ITGA9: variants seen among roughly 807,000 people sequenced by gnomAD.
The protein encoded by ITGA9 is integrin alpha-9.
ITGA9 carries 56 observed loss-of-function variants against 127.8 expected under a neutral mutation model. The ratio of observed to expected loss-of-function variants is 0.44; its 90% CI spans 0.35 to 0.55. The LOEUF (loss-of-function observed/expected upper bound fraction) is 0.55, where lower values mean the gene tolerates loss of function less well. ITGA9 is among the 20% of genes least tolerant of loss of function. The pLI is 0.00. For synonymous variants in ITGA9, 508 were observed against 514.5 expected, an observed-to-expected ratio of 0.99 and a Z score of 0.17; for missense variants, 1,196 against 1,347.1, an observed-to-expected ratio of 0.89 and a Z score of 1.76.
intron 16 of ITGA9, among the ~76,000 whole-genome samples, chr3:37,649,330 T>C (rs1700408578): frequency 6.6e-6 from 1 of 152,128 alleles, no homozygotes; most frequent in African/African-American, 2.4e-5. Flanking sequence ...TCAAACTGTA[T>C]GCTGTCTACA....
intron 19 of ITGA9, among the ~76,000 whole-genome samples, chr3:37,735,480 T>C (rs1696348767): frequency 6.6e-6 from 1 of 152,244 alleles, no homozygotes; most frequent in African/African-American, 2.4e-5. Context: ...GTGTTGCAAA[T>C]ATTAGACCAT....
At chr3:37,817,762 G>A (rs1445153018) in intron 27 of ITGA9, among the ~76,000 whole-genome samples, 2 of 152,206 alleles carry the variant, frequency 1.3e-5, no homozygotes, top group Non-Finnish European at 2.9e-5. Flanking sequence ...GTTTGGTGGT[G>A]ATGACTATGT....
intron 17 of ITGA9, among the ~76,000 whole-genome samples, chr3:37,660,004 G>A (rs199605529): frequency 0.02 from 1,922 of 98,530 alleles, 26 homozygotes; most frequent in African/African-American, 0.053. Flanking sequence ...ACACACACAC[G>A]CACACACACA....
At chr3:37,640,777 C>T (rs560443892) in intron 16 of ITGA9, among the ~76,000 whole-genome samples, 2 of 152,338 alleles carry the variant, frequency 1.3e-5, no homozygotes, top group African/African-American at 4.8e-5. Flanking sequence ...AGATCAGGGC[C>T]CTGGCCCAGA....
intron 15 of ITGA9, among the ~76,000 whole-genome samples, chr3:37,605,134 AG>A: frequency 6.6e-6 from 1 of 152,310 alleles, no homozygotes; most frequent in Non-Finnish European, 1.5e-5. Flanking sequence ...AGTGTTGGTC[AG>A]GGAAGCATTG....
At chr3:37,563,515 C>CT (rs1699515732) in intron 15 of ITGA9, among the ~76,000 whole-genome samples, 1 of 152,192 alleles carries the variant, frequency 6.6e-6, no homozygotes, top group African/African-American at 2.4e-5. Flanking sequence ...ATAATCCCAC[C>CT]TCCCCATTCT....
rs369260176 is a variant in ITGA9 at position 37,517,437 on chromosome 3, G to T, written c.1036-67G>T. ...AGCATTCAAACTCTGGTTTTTTATT[G>T]ATTTTTATTGTTTGTTCTGTTTGTT... On this transcript the variant is annotated intron_variant, in intron 9 of 27. Coordinates refer to ENST00000264741, the MANE Select transcript of ITGA9 (RefSeq NM_002207.3). 1.4e-5 allele frequency: 18 copies of T among 1,250,526 alleles called. No individual in the cohort carries two copies. The East Asian group carries it at 2.8e-4, about 19-fold the overall frequency. The allele number at this position is 1,250,526 out of a possible 1,614,324, so 77.5% of individuals were successfully genotyped here.
intron 18 of ITGA9, among the ~76,000 whole-genome samples, chr3:37,700,240 T>C (rs987485360): frequency 6.6e-6 from 1 of 152,190 alleles, no homozygotes; most frequent in Non-Finnish European, 1.5e-5. Flanking sequence ...CTCCTTGGCC[T>C]CCCAAAGTGC....
Position 37,523,606 on chromosome 3 carries a change from A to G in ITGA9, c.1322A>G (p.Tyr441Cys). The G allele has an allele frequency of 4.3e-6, 7 of 1,609,752 alleles. No individual in the cohort carries two copies. The highest frequency in any genetic ancestry group is 5.1e-6 in the Non-Finnish European group (6 of 1,176,044). Residue 441 changes from tyrosine (Y) to cysteine (C), a missense_variant, in exon 12 of 28, where the codon TAT (tyrosine) becomes TGT (cysteine). Coordinates refer to ENST00000264741, the MANE Select transcript of ITGA9 (RefSeq NM_002207.3). Reference protein sequence around the residue: ...SGGIDMDGNGYPDVTVGAFMS... With the variant: ...SGGIDMDGNGCPDVTVGAFMS... ...GGCATTGATATGGATGGAAATGGCT[A>G]TCCTGGTAAGCTGTTTTTCTTTAAA...
At chr3:37,698,756 G>A (rs1375226037) in intron 18 of ITGA9, among the ~76,000 whole-genome samples, 1 of 152,126 alleles carries the variant, frequency 6.6e-6, no homozygotes, top group African/African-American at 2.4e-5. Context: ...CTGCCAAATA[G>A]CTTTTCAAAG....
At chr3:37,754,372 G>T (rs892779165) in intron 23 of ITGA9, among the ~76,000 whole-genome samples, 1 of 152,176 alleles carries the variant, frequency 6.6e-6, no homozygotes, top group Admixed American at 6.5e-5. Flanking sequence ...TGCAAGAAGG[G>T]GAAAAGTCAG....
intron 11 of ITGA9, 115 bp from the exon 12 acceptor site, chr3:37,523,406 T>TC (rs1699063393): frequency 1.2e-6 from 1 of 812,620 alleles, no homozygotes; most frequent in African/African-American, 1.7e-5. Flanking sequence ...TTTTTTTTTT[T>TC]CTTTCAACAA....
intron 23 of ITGA9, among the ~76,000 whole-genome samples, chr3:37,754,470 GA>G (rs1332054757): frequency 3.9e-5 from 6 of 152,202 alleles, no homozygotes; most frequent in Non-Finnish European, 8.8e-5. Flanking sequence ...TGTTAGTCCA[GA>G]AGAGATATAA....
chr3:37,513,708 A>G, intron 8 of ITGA9, 55 bp from the exon 9 acceptor site: 3 of 1,610,316 alleles, frequency 1.9e-6, no homozygotes, highest in Non-Finnish European at 2.5e-6. Flanking sequence ...AAGCGAGGGC[A>G]TCCTTGTGTG....
At chr3:37,764,679 C>G (rs80070015) in intron 23 of ITGA9, among the ~76,000 whole-genome samples, 1 of 152,102 alleles carries the variant, frequency 6.6e-6, no homozygotes, top group Non-Finnish European at 1.5e-5. Flanking sequence ...CTAGTGACTT[C>G]TCCTCCCCTC....
chr3:37,640,570 G>C (rs762396508), intron 16 of ITGA9, among the ~76,000 whole-genome samples: 1 of 152,198 alleles, frequency 6.6e-6, no homozygotes, highest in Non-Finnish European at 1.5e-5. Context: ...ACCTGGAGCA[G>C]ACCCAGACAA....
Position 37,633,851 on chromosome 3 carries a change from T to C in ITGA9, c.1839+4515T>C, listed in dbSNP as rs565526993. Among the ~76,000 whole-genome samples, 4 of 152,320 alleles carry C rather than the reference T, an allele frequency of 2.6e-5. No individual in the cohort carries two copies. The South Asian group carries it at 8.3e-4, about 32-fold the overall frequency. Reference sequence around the variant, plus strand: ...ATCACAGGAAGTATTGTACCACATATTGCTACCCTGGGAAAAGCTTTTGAA... The same window carrying C: ...ATCACAGGAAGTATTGTACCACATACTGCTACCCTGGGAAAAGCTTTTGAA... On this transcript the variant is annotated intron_variant, in intron 16 of 27. Transcript: ENST00000264741.
intron 18 of ITGA9, among the ~76,000 whole-genome samples, chr3:37,708,097 G>C (rs1341291698): frequency 1.3e-5 from 2 of 152,200 alleles, no homozygotes; most frequent in Non-Finnish European, 2.9e-5. Context: ...GGGTTAGCTA[G>C]GCAGTTTTTC....
chr3:37,815,884 C>T (rs544258850), intron 27 of ITGA9, among the ~76,000 whole-genome samples: 19 of 152,174 alleles, frequency 1.2e-4, no homozygotes, highest in African/African-American at 4.3e-4. Context: ...TGTGCCTCTG[C>T]GGGCAGCTGG....
Sources: allele counts gnomAD v4.1 joint callset (sites outside exome capture counted in the v4.1 genomes callset), GRCh38; gene constraint gnomAD v4.1.1; transcripts MANE v1.5; gene names NCBI Gene and HGNC (gene_info 2026-07-23, HGNC 2026-07-21).